The following FSTL4 variants were observed in gnomAD, a reference collection of about 807,000 sequenced individuals.
FSTL4 encodes the protein follistatin like 4.
In FSTL4, 28 loss-of-function variants were observed where a neutral mutation model predicts 78.2. That is an observed-to-expected ratio of 0.36 (90% CI 0.27 to 0.49). FSTL4 has a LOEUF of 0.49. Among genes scored for constraint, FSTL4 ranks in the 20% least tolerant of loss-of-function variants. The pLI, the probability that FSTL4 is intolerant of heterozygous loss-of-function variation, is 0.98. For missense variants in FSTL4, 922 were observed against 1,084.9 expected (o/e 0.85, Z 2.11); for synonymous variants, 422 against 440.5 (o/e 0.96, Z 0.53).
the FSTL4 span, among the ~76,000 whole-genome samples, chr5:133,680,709 C>T: frequency 6.6e-6 from 1 of 152,186 alleles, no homozygotes; most frequent in East Asian, 1.9e-4. Flanking sequence ...CCTGTCCCCA[C>T]CTTTTGGCAG....
the FSTL4 span, among the ~76,000 whole-genome samples, chr5:133,740,489 G>A: frequency 6.6e-6 from 1 of 152,176 alleles, no homozygotes; most frequent in East Asian, 1.9e-4. Flanking sequence ...GCCACGTGTT[G>A]TTGACCTGCT....
intron 3 of FSTL4, among the ~76,000 whole-genome samples, chr5:133,527,476 C>A (rs984902370): frequency 1.5e-5 from 1 of 67,298 alleles, no homozygotes; most frequent in African/African-American, 4.0e-5. Context: ...CACGTGTACA[C>A]ACACACACAC....
intron 3 of FSTL4, among the ~76,000 whole-genome samples, chr5:133,486,367 G>A (rs574416824): frequency 2.0e-5 from 3 of 148,730 alleles, no homozygotes. Flanking sequence ...GAGGAGGGGA[G>A]AGACAGGTTG....
At chr5:133,606,848 G>A (rs923369215) in intron 1 of FSTL4, among the ~76,000 whole-genome samples, 6 of 152,088 alleles carry the variant, frequency 3.9e-5, no homozygotes, top group Admixed American at 6.5e-5. Flanking sequence ...TTTATGTTTT[G>A]GTACTAATGG....
intron 7 of FSTL4, chr5:133,244,247 A>G: frequency 6.6e-6 from 1 of 152,422 alleles, no homozygotes. Flanking sequence ...GGCTGGGGGC[A>G]AAGTCTCCCC....
chr5:133,351,640 C>T (rs886496807), intron 4 of FSTL4, among the ~76,000 whole-genome samples: 1 of 151,922 alleles, frequency 6.6e-6, no homozygotes, highest in African/African-American at 2.4e-5. Context: ...CGGAGTCTTG[C>T]TGTGTCTCCC....
At chr5:133,234,073 C>T (rs531853948) in intron 7 of FSTL4, among the ~76,000 whole-genome samples, 3 of 152,262 alleles carry the variant, frequency 2.0e-5, no homozygotes, top group South Asian at 2.1e-4. Context: ...AATTAATGAA[C>T]GTGGCTGTGT....
chr5:133,720,054 A>G, the FSTL4 span, among the ~76,000 whole-genome samples: 1 of 152,232 alleles, frequency 6.6e-6, no homozygotes, highest in African/African-American at 2.4e-5. Context: ...TAATGACCAT[A>G]GAATTGGAGA....
At chr5:133,748,819 A>G in the FSTL4 span, among the ~76,000 whole-genome samples, 2 of 152,240 alleles carry the variant, frequency 1.3e-5, no homozygotes, top group East Asian at 3.9e-4. Flanking sequence ...CTTCTACTCA[A>G]GCATTTGGAA....
At chr5:133,624,601 C>CA in the FSTL4 span, among the ~76,000 whole-genome samples, 87 of 149,896 alleles carry the variant, frequency 5.8e-4, no homozygotes, top group African/African-American at 1.8e-3. Flanking sequence ...CACTTCCAAA[C>CA]AAAAAAAAAT....
intron 4 of FSTL4, among the ~76,000 whole-genome samples, chr5:133,369,048 T>C (rs1475727355): frequency 6.6e-6 from 1 of 152,134 alleles, no homozygotes; most frequent in African/African-American, 2.4e-5. Context: ...CCCATCCCAA[T>C]AGACGAAGAA....
At chr5:133,409,542 G>A (rs900705849) in intron 3 of FSTL4, among the ~76,000 whole-genome samples, 8 of 152,144 alleles carry the variant, frequency 5.3e-5, no homozygotes, top group South Asian at 2.1e-4. Flanking sequence ...GAGGACCCCC[G>A]CTCCTGTGGT....
chr5:133,394,022 A>G (rs563749721), intron 4 of FSTL4, among the ~76,000 whole-genome samples: 10 of 152,318 alleles, frequency 6.6e-5, no homozygotes, highest in African/African-American at 2.4e-4. Context: ...AACTAAAAAC[A>G]GCCACAAAGC....
At chr5:133,757,403 A>C in the FSTL4 span, among the ~76,000 whole-genome samples, 1 of 152,308 alleles carries the variant, frequency 6.6e-6, no homozygotes, top group East Asian at 1.9e-4. Flanking sequence ...GCTGTATTTC[A>C]GTGCTCAATA....
chr5:133,650,455 C>CACAT, the FSTL4 span, among the ~76,000 whole-genome samples: 1 of 152,136 alleles, frequency 6.6e-6, no homozygotes, highest in Admixed American at 6.5e-5. Flanking sequence ...ATGTCAGTGA[C>CACAT]ACATTTTCAG....
At chr5:133,509,313 CTCT>C (rs1442862379) in intron 3 of FSTL4, among the ~76,000 whole-genome samples, 1 of 152,156 alleles carries the variant, frequency 6.6e-6, no homozygotes, top group African/African-American at 2.4e-5. Context: ...CAGAAACCTC[CTCT>C]TTTTTACAAC....
chr5:133,701,509 A>ACACACACACACACACCCC, the FSTL4 span, among the ~76,000 whole-genome samples: 81 of 132,690 alleles, frequency 6.1e-4, 1 homozygote, highest in East Asian at 0.017. Context: ...ACACACACAC[A>ACACACACACACACACCCC]CCCCACAGGC....
chr5:133,214,693 T>A (rs1487764024), intron 13 of FSTL4, among the ~76,000 whole-genome samples: 2 of 152,190 alleles, frequency 1.3e-5, no homozygotes, highest in African/African-American at 4.8e-5. Flanking sequence ...ATGTAAGATA[T>A]TCCACTTCCT....
chr5:133,305,892 G>C (rs59589399), intron 6 of FSTL4, among the ~76,000 whole-genome samples: 1,717 of 152,296 alleles, frequency 0.011, 34 homozygotes, highest in African/African-American at 0.039. Flanking sequence ...GTACAGATGG[G>C]AGATGAGACC....
Sources: gnomAD v4.1 joint callset for allele counts (sites outside exome capture counted in the v4.1 genomes callset) on GRCh38, gnomAD v4.1.1 for gene constraint, MANE v1.5 for transcripts, NCBI Gene and HGNC (gene_info 2026-07-23, HGNC 2026-07-21) for gene names.